The following USP36 variants were observed in gnomAD, a reference collection of about 807,000 sequenced individuals.
USP36 encodes ubiquitin carboxyl-terminal hydrolase 36.
In USP36, 59 loss-of-function variants were observed where a neutral mutation model predicts 111.5. The ratio of observed to expected loss-of-function variants is 0.53; its 90% CI spans 0.43 to 0.66. The LOEUF (loss-of-function observed/expected upper bound fraction) is 0.66, where lower values mean the gene tolerates loss of function less well. Ranked by LOEUF, USP36 falls within the 30% of genes least tolerant of loss-of-function variation. The pLI is 0.00. For synonymous variants in USP36, 628 were observed against 581.0 expected (o/e 1.08, Z -1.16); for missense variants, 1,488 against 1,468.0 (o/e 1.01, Z -0.22).
chr17:78,818,623 CTG>C (rs1206207726), intron 10 of USP36, 42 bp downstream of exon 10: 1 of 1,561,128 alleles, frequency 6.4e-7, no homozygotes, highest in Admixed American at 1.7e-5. Context: ...CTGATGCCGA[CTG>C]TGGCCCACGG....
At chr17:78,822,060 TGGCCCCATCCCAGC>T in intron 6 of USP36, 56 bp from the exon 7 acceptor site, 1 of 1,603,040 alleles carries the variant, frequency 6.2e-7, no homozygotes, top group Non-Finnish European at 8.5e-7. Flanking sequence ...ACACGAGGGA[TGGCCCCATCCCAGC>T]AGCCCCATGC....
At chr17:78,837,998 T>A (rs988873855) in intron 2 of USP36, among the ~76,000 whole-genome samples, 29 of 152,178 alleles carry the variant, frequency 1.9e-4, no homozygotes, top group African/African-American at 6.7e-4. Context: ...GGTGGGAGGA[T>A]AACTTGAGGG....
intron 5 of USP36, among the ~76,000 whole-genome samples, chr17:78,828,408 T>C (rs2067773533): frequency 6.6e-6 from 1 of 152,132 alleles, no homozygotes; most frequent in Non-Finnish European, 1.5e-5. Flanking sequence ...AGAATGGAAT[T>C]GGTACATTCC....
Position 78,818,688 on chromosome 17 carries a change from G to A in USP36, c.1002C>T (p.Phe334=). Residue 334 remains phenylalanine (F), a synonymous_variant, in exon 10 of 21, where the codon TTC becomes TTT. Coordinates refer to ENST00000449938, the MANE Select transcript of USP36 (RefSeq NM_001385174.1). Reference sequence around the variant, plus strand: ...TCACCTTGGTGATCTTCCCCCCGCTGAAGTTGGCAAAGCGCTTGAGGGAAA... The same window carrying A: ...TCACCTTGGTGATCTTCCCCCCGCTAAAGTTGGCAAAGCGCTTGAGGGAAA... The part of the protein sequence containing the change: ...LTLSLKRFAN[F]SGGKITKDVG... 1 of 1,613,974 alleles carries A rather than the reference G, an allele frequency of 6.2e-7. No homozygotes were observed. The highest frequency in any genetic ancestry group is 8.5e-7 in the Non-Finnish European group (1 of 1,179,856).
chr17:78,803,863 A>T lies in USP36; in HGVS notation c.2332T>A (p.Ser778Thr). ...PPGTSEPRSC[S>T]SISTALPQVN... Reference sequence around the variant, plus strand: ...TGAGGCAGCGCCGTCGAGATGGAGGAGCAGCTCCGTGGTTCTGACGTCCCT... The same window carrying T: ...TGAGGCAGCGCCGTCGAGATGGAGGTGCAGCTCCGTGGTTCTGACGTCCCT... Residue 778 changes from serine to threonine, a missense_variant, in exon 16 of 21, where the codon TCC becomes ACC. Transcript: ENST00000449938. The surrounding 1 kb of genome is among the most constrained non-coding windows in gnomAD (Gnocchi z 4.6). 1 of 1,599,986 alleles carries T rather than the reference A, an allele frequency of 6.3e-7. No individual in the cohort carries two copies. Among genetic ancestry groups the T allele is most frequent in the Non-Finnish European group, 8.5e-7 (1 of 1,177,058 alleles).
intron 17 of USP36, among the ~76,000 whole-genome samples, chr17:78,800,949 T>C (rs2144961164): frequency 6.6e-6 from 1 of 151,090 alleles, no homozygotes; most frequent in South Asian, 2.1e-4. Context: ...AGCACAGCTC[T>C]GGTGCCATGT....
At chr17:78,801,005 C>T (rs1238196258) in intron 17 of USP36, among the ~76,000 whole-genome samples, 1 of 129,532 alleles carries the variant, frequency 7.7e-6, no homozygotes, top group African/African-American at 2.9e-5. Flanking sequence ...GAGACGGAGT[C>T]TCACTCTGTC....
At chr17:78,819,691 T>C (rs1203975279) in intron 9 of USP36, among the ~76,000 whole-genome samples, 1 of 152,254 alleles carries the variant, frequency 6.6e-6, no homozygotes, top group Non-Finnish European at 1.5e-5. Context: ...CAGCCCCTAC[T>C]GCACAATATA....
intron 6 of USP36, among the ~76,000 whole-genome samples, chr17:78,823,884 G>C (rs759262288): frequency 2.6e-5 from 4 of 152,220 alleles, no homozygotes; most frequent in Non-Finnish European, 5.9e-5. Flanking sequence ...TACGAATCTT[G>C]AAAACCAGCC....
In USP36 at chr17:78,818,648, TG is replaced by T. The variant is rs757312094; in HGVS notation, c.1023+18del. ...CTGTGGCCCACGGAGCTGCCTGGGA[TG>T]GTGTCACGAGCGCTCACCTTGGTGA... On this transcript the variant is annotated intron_variant, in intron 10 of 20. Coordinates refer to ENST00000449938, the MANE Select transcript of USP36 (RefSeq NM_001385174.1). The T allele has an allele frequency of 2.0e-5, 32 of 1,609,810 alleles. No individual in the cohort carries two copies. In the Admixed American group the frequency reaches 5.2e-4, roughly 26 times the overall value.
At chr17:78,820,095 T>G in intron 8 of USP36, 83 bp from the exon 9 acceptor site, 7 of 1,444,976 alleles carry the variant, frequency 4.8e-6, no homozygotes, top group Non-Finnish European at 6.7e-6. Flanking sequence ...AGGTCTTTTT[T>G]AGGCTGAGGC....
rs2145659791 is a variant in USP36 at position 78,836,313 on chromosome 17, G to C, written c.51C>G (p.Asp17Glu). The C allele has an allele frequency of 2.5e-6, 4 of 1,614,166 alleles. No individual in the cohort carries two copies. The East Asian group carries it at 8.9e-5, about 36-fold the overall frequency. The change falls in exon 3 of 21, where the codon GAC (aspartate) becomes GAG (glutamate). Residue 17 changes from aspartate (D) to glutamate (E), a missense_variant. Coordinates refer to ENST00000449938, the MANE Select transcript of USP36 (RefSeq NM_001385174.1). ...LKEALKPGRK[D>E]SADDGELGKL... ...TCCCCAGTTCTCCATCATCAGCCGAGTCCTTGCGGCCGGGTTTCAGGGCCT... is the reference window on the plus strand; with the variant it reads ...TCCCCAGTTCTCCATCATCAGCCGACTCCTTGCGGCCGGGTTTCAGGGCCT...
rs2094337862 is a variant in USP36 at position 78,821,827 on chromosome 17, C to A, written c.757+110G>T. On this transcript the variant is annotated intron_variant, in intron 7 of 20. Coordinates refer to ENST00000449938, the MANE Select transcript of USP36 (RefSeq NM_001385174.1). Reference sequence around the variant, plus strand: ...TGGCTCAAGACCTCAGAGACTGACCCAGGTCTGCACAGCGAAGAAAGAGCC... The same window carrying A: ...TGGCTCAAGACCTCAGAGACTGACCAAGGTCTGCACAGCGAAGAAAGAGCC... The A allele has an allele frequency of 4.0e-6, 5 of 1,248,082 alleles. No individual in the cohort carries two copies. The Admixed American group carries it at 9.8e-5, about 24-fold the overall frequency. The allele number at this position is 1,248,082 out of a possible 1,614,324, so 77.3% of individuals were successfully genotyped here.
chr17:78,806,848 A>C, intron 14 of USP36, 111 bp downstream of exon 14: 1 of 1,419,370 alleles, frequency 7.0e-7, no homozygotes, highest in Non-Finnish European at 9.6e-7. Flanking sequence ...TTCCTCTAAC[A>C]TGAGGGAGGC....
chr17:78,830,302 G>A (rs1427914050), intron 4 of USP36, among the ~76,000 whole-genome samples: 1 of 152,136 alleles, frequency 6.6e-6, no homozygotes, highest in Non-Finnish European at 1.5e-5. Context: ...ATTCAGCAAT[G>A]GCTTTACAAA....
chr17:78,820,045 C>T (rs1567949387), intron 8 of USP36, 33 bp from the exon 9 acceptor site: 1 of 1,606,876 alleles, frequency 6.2e-7, no homozygotes, highest in Non-Finnish European at 8.5e-7. Flanking sequence ...GTAAAATACA[C>T]AGCAGAGGAA....
intron 10 of USP36, among the ~76,000 whole-genome samples, chr17:78,814,834 C>T (rs1387898767): frequency 6.6e-6 from 1 of 152,150 alleles, no homozygotes; most frequent in Admixed American, 6.6e-5. Context: ...GCCTGTAATC[C>T]CAGCTACTCA....
At chr17:78,836,062 C>T (rs565356777) in intron 3 of USP36, 49 bp downstream of exon 3, 10 of 1,593,238 alleles carry the variant, frequency 6.3e-6, no homozygotes, top group South Asian at 4.5e-5. Flanking sequence ...CCATCCACTT[C>T]GTCACCCCGG....
Position 78,798,261 on chromosome 17 carries a change from A to G in USP36, c.*20+139T>C, listed in dbSNP as rs1410591084. 13 of 1,188,484 alleles carry G rather than the reference A, an allele frequency of 1.1e-5. No individual in the cohort carries two copies. Among genetic ancestry groups the G allele is most frequent in the Non-Finnish European group, 1.5e-5 (13 of 862,402 alleles). The allele number at this position is 1,188,484 out of a possible 1,614,324, so 73.6% of individuals were successfully genotyped here. ...CACACCACAGACGCGCCCACACCACACACACCACCCAACACACATGTGCCA... is the reference window on the plus strand; with the variant it reads ...CACACCACAGACGCGCCCACACCACGCACACCACCCAACACACATGTGCCA... On this transcript the variant is annotated intron_variant, in intron 20 of 20. Transcript: ENST00000449938. The surrounding 1 kb of genome is among the most constrained non-coding windows in gnomAD (Gnocchi z 5.1).
Sources: gnomAD v4.1 joint callset for allele counts (sites outside exome capture counted in the v4.1 genomes callset) on GRCh38, gnomAD v4.1.1 for gene constraint, Gnocchi (gnomAD v3.1) non-coding constraint, MANE v1.5 for transcripts, NCBI Gene and HGNC (gene_info 2026-07-23, HGNC 2026-07-21) for gene names.